Variants in C4orf51 observed in about 807,000 individuals in gnomAD.
C4orf51 encodes chromosome 4 open reading frame 51.
A neutral mutation model predicts 25.2 loss-of-function variants in C4orf51; 25 were observed. That is an observed-to-expected ratio of 0.99 (90% confidence interval 0.72 to 1.39). C4orf51 has a LOEUF of 1.39. C4orf51 is among the 40% of genes most tolerant of loss of function. The pLI is 0.00. For synonymous variants in C4orf51, 100 were observed against 84.5 expected, an observed-to-expected ratio of 1.18 and a Z score of -1.01; for missense variants, 252 against 239.6, an observed-to-expected ratio of 1.05 and a Z score of -0.34.
At chr4:145,723,162 G>T (rs1344043839) in intron 2 of C4orf51, among the ~76,000 whole-genome samples, 1 of 152,038 alleles carries the variant, frequency 6.6e-6, no homozygotes, top group Non-Finnish European at 1.5e-5. Flanking sequence ...CTGGTTCCTG[G>T]TGTTAAAAAG....
chr4:145,697,045 CA>C (rs112735333), intron 2 of C4orf51, among the ~76,000 whole-genome samples: 1 of 105,958 alleles, frequency 9.4e-6, no homozygotes, highest in Non-Finnish European at 2.0e-5. Context: ...AAAAACAAAA[CA>C]AAACCAACCA....
intron 2 of C4orf51, among the ~76,000 whole-genome samples, chr4:145,710,649 G>C (rs190124927): frequency 9.8e-5 from 15 of 152,314 alleles, no homozygotes; most frequent in African/African-American, 3.6e-4. Context: ...TTATCAGGAA[G>C]CTGCTGATTA....
chr4:145,779,434 C>A, the C4orf51 span: 2 of 1,614,162 alleles, frequency 1.2e-6, no homozygotes, highest in African/African-American at 1.3e-5. Flanking sequence ...TTCCCACACA[C>A]GTCACAGGGA....
the C4orf51 span, among the ~76,000 whole-genome samples, chr4:145,778,452 T>A: frequency 0.051 from 7,731 of 151,886 alleles, 470 homozygotes; most frequent in African/African-American, 0.14. Flanking sequence ...CTTTTTTTTT[T>A]AAAAAAGTTA....
intron 2 of C4orf51, among the ~76,000 whole-genome samples, chr4:145,705,253 T>A (rs1730729116): frequency 6.6e-6 from 1 of 152,220 alleles, no homozygotes; most frequent in Non-Finnish European, 1.5e-5. Context: ...ATCAGGACGC[T>A]GCTGATCACC....
At position 145,727,893 on chromosome 4, in the gene C4orf51, G is replaced by GTGTA. The variant is rs1416941895; in HGVS notation, c.366+926_366+929dup. Among the ~76,000 whole-genome samples, 8 of 36,470 alleles carry GTGTA rather than the reference G, an allele frequency of 2.2e-4. 1 individual carries two copies. Among genetic ancestry groups the GTGTA allele is most frequent in the African/African-American group, 1.4e-3 (8 of 5,902 alleles). The allele number at this position is 36,470 out of a possible 152,430, so 23.9% of individuals were successfully genotyped here. A position where few individuals can be genotyped will look rare whatever the true frequency, so the allele number is the denominator to read the frequency against. ...GTGAAACTCCACCTACAAAAAAAAT[G>GTGTA]TGTATATATATATATATATATATAT... On this transcript the variant is annotated intron_variant, in intron 3 of 5. Coordinates refer to ENST00000438731, the MANE Select transcript of C4orf51 (RefSeq NM_001080531.3).
intron 1 of C4orf51, among the ~76,000 whole-genome samples, chr4:145,764,219 T>C (rs1259796988): frequency 6.6e-6 from 1 of 152,262 alleles, no homozygotes; most frequent in African/African-American, 2.4e-5. Flanking sequence ...TGCTGCTTTC[T>C]CTTTACCAGA....
At chr4:145,687,202 A>G (rs188039984) in intron 1 of C4orf51, among the ~76,000 whole-genome samples, 3 of 152,128 alleles carry the variant, frequency 2.0e-5, no homozygotes, top group Admixed American at 6.5e-5. Context: ...GAAACTCAAA[A>G]GAATGCAACT....
At chr4:145,693,933 C>G in intron 1 of C4orf51, among the ~76,000 whole-genome samples, 5 of 145,436 alleles carry the variant, frequency 3.4e-5, no homozygotes, top group African/African-American at 7.8e-5. Context: ...CGGAGACGCT[C>G]CTCACTTCCC....
intron 1 of C4orf51, among the ~76,000 whole-genome samples, chr4:145,749,382 G>A (rs746630288): frequency 4.2e-4 from 63 of 151,656 alleles, no homozygotes; most frequent in Non-Finnish European, 4.7e-4. Flanking sequence ...TCTTTTAATC[G>A]GAAAGCTTAG....
intron 4 of C4orf51, among the ~76,000 whole-genome samples, 183 bp downstream of exon 4, chr4:145,729,412 C>T (rs1732309845): frequency 6.8e-6 from 1 of 147,140 alleles, no homozygotes; most frequent in Non-Finnish European, 1.5e-5. Flanking sequence ...CGCCATTCTC[C>T]TGCCTCAGCC....
intron 1 of C4orf51, among the ~76,000 whole-genome samples, chr4:145,691,199 G>A (rs960853642): frequency 6.6e-6 from 1 of 152,152 alleles, no homozygotes; most frequent in African/African-American, 2.4e-5. Context: ...AAAATGCTCA[G>A]CATCACTGAT....
chr4:145,692,709 G>A (rs1015524894), intron 1 of C4orf51, among the ~76,000 whole-genome samples: 5 of 152,138 alleles, frequency 3.3e-5, no homozygotes, highest in Non-Finnish European at 7.3e-5. Flanking sequence ...AGAGTTACAG[G>A]TTCCTGAAGT....
intron 1 of C4orf51, chr4:145,764,963 A>G: frequency 6.2e-7 from 1 of 1,609,616 alleles, no homozygotes; most frequent in East Asian, 2.2e-5. Context: ...AACGCAGTAA[A>G]AGGTTCTGTA....
chr4:145,735,960 C>G (rs553969967), downstream of C4orf51, among the ~76,000 whole-genome samples: 4 of 152,132 alleles, frequency 2.6e-5, no homozygotes, highest in African/African-American at 9.6e-5. Flanking sequence ...TCATCTGGGT[C>G]AGCCCTACAC....
chr4:145,689,021 T>A (rs2126665342), intron 1 of C4orf51, among the ~76,000 whole-genome samples: 1 of 152,146 alleles, frequency 6.6e-6, no homozygotes, highest in South Asian at 2.1e-4. Flanking sequence ...TGGAGCAGAA[T>A]AAAGAGCCAG....
chr4:145,689,430 T>A (rs1729392942), intron 1 of C4orf51, among the ~76,000 whole-genome samples: 1 of 152,060 alleles, frequency 6.6e-6, no homozygotes, highest in South Asian at 2.1e-4. Flanking sequence ...TATATGTGTA[T>A]ATATATGAAT....
At position 145,680,203 on chromosome 4, in the gene C4orf51, T is replaced by C; in HGVS notation, c.-1T>C. 6.2e-7 allele frequency: 1 copy of C among 1,604,804 alleles called. No individual in the cohort carries two copies. The highest frequency in any genetic ancestry group is 2.2e-5 in the East Asian group (1 of 44,828). On this transcript the variant is annotated 5_prime_UTR_variant, in exon 1 of 6. Transcript: ENST00000438731. ...GTTTTCCAGAGAGGCCGTTCGTAGT[T>C]ATGTCACACTACTTCTACTTGACTC...
At chr4:145,697,705 G>T (rs1730162011) in intron 2 of C4orf51, among the ~76,000 whole-genome samples, 1 of 152,120 alleles carries the variant, frequency 6.6e-6, no homozygotes, top group Admixed American at 6.5e-5. Flanking sequence ...TCTCTTTAAG[G>T]CTGAATAATT....
Sources: allele counts gnomAD v4.1 joint callset (sites outside exome capture counted in the v4.1 genomes callset), GRCh38; gene constraint gnomAD v4.1.1; transcripts MANE v1.5; gene names NCBI Gene and HGNC (gene_info 2026-07-23, HGNC 2026-07-21).